Variants in DIAPH2 observed in about 807,000 individuals in gnomAD.
The protein encoded by DIAPH2 is protein diaphanous homolog 2.
Under a neutral mutation model 92.7 loss-of-function variants are expected in DIAPH2, and 35 were observed. The observed-to-expected ratio is 0.38, with a 90% confidence interval of 0.29 to 0.50. DIAPH2 has a LOEUF of 0.50. Ranked by LOEUF, DIAPH2 falls within the 20% of genes least tolerant of loss-of-function variation. The pLI is 0.94. For synonymous variants in DIAPH2, 301 were observed against 280.4 expected, an observed-to-expected ratio of 1.07 and a Z score of -0.73; for missense variants, 701 against 819.5, an observed-to-expected ratio of 0.86 and a Z score of 1.77.
chrX:97,324,434 G>A (rs372165262), intron 23 of DIAPH2, among the ~76,000 whole-genome samples: 130 of 112,249 alleles, frequency 1.2e-3, no homozygotes, highest in African/African-American at 3.7e-3. Flanking sequence ...CCCCTCATTC[G>A]CAGTAGATAC....
intron 24 of DIAPH2, among the ~76,000 whole-genome samples, chrX:97,377,522 C>G (rs893837641): frequency 8.9e-6 from 1 of 111,946 alleles, no homozygotes; most frequent in African/African-American, 3.2e-5. Context: ...GTGGTCCCAT[C>G]TGTTGTACTA....
chrX:97,365,598 G>A (rs2069372551), intron 24 of DIAPH2, among the ~76,000 whole-genome samples: 2 of 110,635 alleles, frequency 1.8e-5, no homozygotes, highest in South Asian at 4.0e-4. Flanking sequence ...TCCCTGTTAT[G>A]CCTTTCCTAA....
intron 17 of DIAPH2, among the ~76,000 whole-genome samples, chrX:97,046,880 A>G (rs182192888): frequency 3.4e-4 from 38 of 111,138 alleles, no homozygotes; most frequent in African/African-American, 1.1e-3. Context: ...AACTGGACCT[A>G]TAGAAAAAAA....
chrX:97,288,885 G>A (rs5967292), intron 23 of DIAPH2, among the ~76,000 whole-genome samples: 40,253 of 109,963 alleles, frequency 0.37, 5,300 homozygotes, highest in East Asian at 0.65. Flanking sequence ...ATATATTTCA[G>A]GTGCCCCATT....
At chrX:97,309,735 TG>T (rs1266954074) in intron 23 of DIAPH2, among the ~76,000 whole-genome samples, 1 of 112,376 alleles carries the variant, frequency 8.9e-6, no homozygotes, top group Non-Finnish European at 1.9e-5. Flanking sequence ...TTTTCATTGA[TG>T]ACAACATTAA....
At position 96,999,346 on chromosome X, in the gene DIAPH2, C is replaced by CA. The variant is rs1182584331; in HGVS notation, c.2050+34145dup. 8.3e-5 allele frequency among the ~76,000 whole-genome samples: 9 copies of CA among 108,999 alleles called. No homozygotes were observed. In the East Asian group the frequency reaches 2.0e-3, roughly 24 times the overall value. 94.7% of individuals were successfully genotyped at this position (108,999 alleles called of 115,157 possible). ...TGAAACCCCATCTCTACTAAAAATACAAAAAATTAGCCTGGCGTGGTGGCG... is the reference window on the plus strand; with the variant it reads ...TGAAACCCCATCTCTACTAAAAATACAAAAAAATTAGCCTGGCGTGGTGGCG... On this transcript the variant is annotated intron_variant, in intron 17 of 26. Transcript: ENST00000324765.
intron 16 of DIAPH2, among the ~76,000 whole-genome samples, chrX:96,959,866 A>C (rs1309363112): frequency 9.0e-6 from 1 of 111,611 alleles, no homozygotes; most frequent in Non-Finnish European, 1.9e-5. Flanking sequence ...TCATTTATTG[A>C]AGAGGGTGTC....
chrX:96,810,850 A>T (rs1312657060), intron 4 of DIAPH2, among the ~76,000 whole-genome samples: 1 of 111,202 alleles, frequency 9.0e-6, no homozygotes, highest in Non-Finnish European at 1.9e-5. Flanking sequence ...GTTATTTCTG[A>T]GGCTTCTGTT....
At chrX:97,192,970 T>C (rs1282544039) in intron 22 of DIAPH2, among the ~76,000 whole-genome samples, 1 of 110,077 alleles carries the variant, frequency 9.1e-6, no homozygotes, top group East Asian at 2.8e-4. Context: ...CCCTCTCTTT[T>C]TCCTAAATAA....
intron 25 of DIAPH2, among the ~76,000 whole-genome samples, chrX:97,414,388 C>T (rs749469249): frequency 4.5e-5 from 5 of 111,686 alleles, no homozygotes; most frequent in East Asian, 5.6e-4. Context: ...TGGTGGCTGA[C>T]GCCTATAATC....
At chrX:96,731,899 G>A (rs1342037268) in intron 1 of DIAPH2, among the ~76,000 whole-genome samples, 1 of 111,600 alleles carries the variant, frequency 9.0e-6, no homozygotes, top group Non-Finnish European at 1.9e-5. Flanking sequence ...GGTACAATAT[G>A]CCCTCATTGT....
intron 4 of DIAPH2, among the ~76,000 whole-genome samples, chrX:96,767,618 A>G (rs5949458): frequency 7.2e-5 from 8 of 111,571 alleles, no homozygotes; most frequent in African/African-American, 2.0e-4. Flanking sequence ...GTAAAATGAG[A>G]TAAGACTGAG....
At chrX:97,044,815 T>G (rs752957071) in intron 17 of DIAPH2, among the ~76,000 whole-genome samples, 2 of 111,321 alleles carry the variant, frequency 1.8e-5, no homozygotes, top group East Asian at 5.7e-4. Context: ...AAAATTTCTC[T>G]ATTATTCTAT....
intron 22 of DIAPH2, among the ~76,000 whole-genome samples, chrX:97,240,497 T>C (rs2068084949): frequency 9.2e-6 from 1 of 108,698 alleles, no homozygotes; most frequent in African/African-American, 3.4e-5. Flanking sequence ...TCCCAGCTAC[T>C]CAGGAGGCTG....
At chrX:96,753,770 A>C (rs1325350039) in intron 3 of DIAPH2, among the ~76,000 whole-genome samples, 2 of 112,238 alleles carry the variant, frequency 1.8e-5, no homozygotes, top group Non-Finnish European at 3.8e-5. Flanking sequence ...CCAGAACCAC[A>C]CAACTGAAAT....
intron 4 of DIAPH2, among the ~76,000 whole-genome samples, chrX:96,805,438 GT>G (rs1329205755): frequency 1.8e-5 from 2 of 109,359 alleles, no homozygotes; most frequent in Admixed American, 9.8e-5. Flanking sequence ...TATTTAGTAG[GT>G]TTTTTTTTAC....
intron 26 of DIAPH2, among the ~76,000 whole-genome samples, chrX:97,537,177 G>A (rs1239029618): frequency 9.0e-6 from 1 of 111,242 alleles, no homozygotes; most frequent in South Asian, 3.8e-4. Context: ...TAGGAGGATA[G>A]GGAGGTATTT....
At chrX:97,051,033 G>T (rs1477365506) in intron 17 of DIAPH2, among the ~76,000 whole-genome samples, 1 of 111,319 alleles carries the variant, frequency 9.0e-6, no homozygotes, top group Non-Finnish European at 1.9e-5. Context: ...CACTATAAAT[G>T]TAAGTAAGTT....
intron 17 of DIAPH2, among the ~76,000 whole-genome samples, chrX:96,984,420 G>T (rs1569271767): frequency 9.0e-6 from 1 of 110,573 alleles, no homozygotes; most frequent in Non-Finnish European, 1.9e-5. Context: ...TTTCCTCTGG[G>T]CCATATGTTA....
Sources: gnomAD v4.1 joint callset for allele counts (sites outside exome capture counted in the v4.1 genomes callset) on GRCh38, gnomAD v4.1.1 for gene constraint, MANE v1.5 for transcripts, NCBI Gene and HGNC (gene_info 2026-07-23, HGNC 2026-07-21) for gene names.